ADAMTS6: variants seen among roughly 807,000 people sequenced by gnomAD.
ADAMTS6 encodes the protein A disintegrin and metalloproteinase with thrombospondin motifs 6.
ADAMTS6 carries 23 observed loss-of-function variants against 144.3 expected under a neutral mutation model. The observed-to-expected ratio is 0.16, with a 90% confidence interval of 0.11 to 0.23. The LOEUF (loss-of-function observed/expected upper bound fraction) is 0.23, where lower values mean the gene tolerates loss of function less well. Among genes scored for constraint, ADAMTS6 ranks in the 10% least tolerant of loss-of-function variants. The pLI is 1.00. For synonymous variants in ADAMTS6, 444 were observed against 457.5 expected, an observed-to-expected ratio of 0.97 and a Z score of 0.38; for missense variants, 999 against 1,379.6, an observed-to-expected ratio of 0.72 and a Z score of 4.37.
intron 9 of ADAMTS6, among the ~76,000 whole-genome samples, chr5:65,316,593 G>T (rs1353057991): frequency 1.3e-5 from 2 of 152,032 alleles, no homozygotes; most frequent in African/African-American, 2.4e-5. Context: ...CTGCTTAAAA[G>T]AAATTCACTT....
chr5:65,164,396 G>C (rs1337373910), intron 24 of ADAMTS6, among the ~76,000 whole-genome samples: 10 of 151,450 alleles, frequency 6.6e-5, no homozygotes, highest in African/African-American at 2.4e-4. Context: ...ACGGAGTCTC[G>C]CTGATTGCTA....
At chr5:65,367,602 T>C (rs776069512) in intron 7 of ADAMTS6, among the ~76,000 whole-genome samples, 2 of 152,002 alleles carry the variant, frequency 1.3e-5, no homozygotes, top group Non-Finnish European at 2.9e-5. Flanking sequence ...AATACTGGAG[T>C]ACAAAGGCTC....
chr5:65,158,433 C>T (rs1338750890), intron 24 of ADAMTS6, among the ~76,000 whole-genome samples: 7 of 152,168 alleles, frequency 4.6e-5, no homozygotes, highest in Non-Finnish European at 8.8e-5. Flanking sequence ...CATGGCACAC[C>T]ATGAATCACG....
At chr5:65,262,599 T>C (rs1166710821) in intron 13 of ADAMTS6, among the ~76,000 whole-genome samples, 3 of 152,156 alleles carry the variant, frequency 2.0e-5, no homozygotes, top group African/African-American at 7.2e-5. Context: ...ATACTTTCTA[T>C]TTTTTACATT....
At chr5:65,270,342 C>T (rs968268076) in intron 12 of ADAMTS6, among the ~76,000 whole-genome samples, 4 of 152,108 alleles carry the variant, frequency 2.6e-5, no homozygotes, top group Admixed American at 1.3e-4. Context: ...AATATTCTTC[C>T]TTCTTAAGGA....
intron 8 of ADAMTS6, among the ~76,000 whole-genome samples, chr5:65,331,444 T>A (rs2150060256): frequency 6.6e-6 from 1 of 152,204 alleles, no homozygotes; most frequent in African/African-American, 2.4e-5. Context: ...GAACAACAAC[T>A]TCAGAAAGAA....
At chr5:65,224,810 A>C in intron 17 of ADAMTS6, 114 bp downstream of exon 17, 1 of 1,286,892 alleles carries the variant, frequency 7.8e-7, no homozygotes, top group Non-Finnish European at 1.0e-6. Flanking sequence ...TTTGGGGAAG[A>C]AAACATTGTC....
rs1752143595 is a variant in ADAMTS6, at chr5:65,151,658, C to T, written c.*178G>A. The T allele has an allele frequency of 7.4e-6, 4 of 542,424 alleles. No individual in the cohort carries two copies. In the South Asian group the frequency reaches 1.2e-4, roughly 16 times the overall value. 33.6% of individuals were successfully genotyped at this position (542,424 alleles called of 1,614,324 possible). ...GTCCAGCACTTTGGATCAATAAATCCCACTTCACAGAAGCTAAAATAATAT... is the reference window on the plus strand; with the variant it reads ...GTCCAGCACTTTGGATCAATAAATCTCACTTCACAGAAGCTAAAATAATAT... On this transcript the variant is annotated 3_prime_UTR_variant, in exon 25 of 25. Transcript: ENST00000381055.
intron 7 of ADAMTS6, among the ~76,000 whole-genome samples, chr5:65,439,418 C>T (rs1757703960): frequency 6.6e-6 from 1 of 151,968 alleles, no homozygotes; most frequent in South Asian, 2.1e-4. Flanking sequence ...TTGGAAAACC[C>T]AGTATCAAAT....
chr5:65,274,353 T>A (rs570649560), intron 11 of ADAMTS6, among the ~76,000 whole-genome samples: 69 of 152,094 alleles, frequency 4.5e-4, no homozygotes, highest in African/African-American at 1.6e-3. Flanking sequence ...TCATTACCAA[T>A]GTTACAAGTT....
At chr5:65,471,493 C>T (rs1760431234) in intron 2 of ADAMTS6, among the ~76,000 whole-genome samples, 1 of 152,066 alleles carries the variant, frequency 6.6e-6, no homozygotes, top group Non-Finnish European at 1.5e-5. Flanking sequence ...GAGTTTAGCT[C>T]AGAATCTGTT....
chr5:65,283,996 T>C (rs1763179191), intron 11 of ADAMTS6, among the ~76,000 whole-genome samples: 2 of 152,056 alleles, frequency 1.3e-5, no homozygotes, highest in African/African-American at 4.8e-5. Context: ...TTATATGTAC[T>C]TCTCAGTATT....
intron 11 of ADAMTS6, among the ~76,000 whole-genome samples, chr5:65,275,180 C>T (rs542098050): frequency 8.0e-6 from 1 of 124,336 alleles, no homozygotes; most frequent in South Asian, 2.7e-4. Context: ...CACCATTGCA[C>T]TCCAGCCTGG....
At chr5:65,448,158 C>T (rs1675407071) in intron 7 of ADAMTS6, among the ~76,000 whole-genome samples, 1 of 151,064 alleles carries the variant, frequency 6.6e-6, no homozygotes, top group African/African-American at 2.4e-5. Context: ...TTTAAATATG[C>T]TCTTTGGTGT....
intron 7 of ADAMTS6, among the ~76,000 whole-genome samples, chr5:65,414,074 G>A (rs1226071065): frequency 6.6e-6 from 1 of 151,914 alleles, no homozygotes; most frequent in African/African-American, 2.4e-5. Flanking sequence ...TATATCCAGA[G>A]GAAAAAAGCA....
At chr5:65,217,109 T>C (rs1402991489) in intron 18 of ADAMTS6, among the ~76,000 whole-genome samples, 1 of 152,176 alleles carries the variant, frequency 6.6e-6, no homozygotes, top group Non-Finnish European at 1.5e-5. Context: ...ACTTCAGACA[T>C]GTTTTGAAGA....
At chr5:65,333,174 T>C (rs1042019315) in intron 8 of ADAMTS6, among the ~76,000 whole-genome samples, 3 of 152,098 alleles carry the variant, frequency 2.0e-5, no homozygotes, top group South Asian at 4.1e-4. Flanking sequence ...AGAGAATTCA[T>C]CTTCAGTTGT....
chr5:65,226,327 T>A, intron 15 of ADAMTS6, 108 bp from the exon 16 acceptor site: 1 of 1,137,798 alleles, frequency 8.8e-7, no homozygotes, highest in Middle Eastern at 2.1e-4. Flanking sequence ...CATTCCCTGC[T>A]TATATGCCTG....
At chr5:65,270,001 C>T (rs771354704) in intron 12 of ADAMTS6, among the ~76,000 whole-genome samples, 2 of 152,004 alleles carry the variant, frequency 1.3e-5, no homozygotes, top group Non-Finnish European at 2.9e-5. Flanking sequence ...ACCATGTTGG[C>T]CAGGCTAGTC....
Sources: gnomAD v4.1 joint callset for allele counts (sites outside exome capture counted in the v4.1 genomes callset) on GRCh38, gnomAD v4.1.1 for gene constraint, MANE v1.5 for transcripts, NCBI Gene and HGNC (gene_info 2026-07-23, HGNC 2026-07-21) for gene names.